The following RSRC1 variants were observed in gnomAD, a reference collection of about 807,000 sequenced individuals.
RSRC1 encodes arginine and serine rich coiled-coil 1, also known as serine/Arginine-related protein 53.
In RSRC1, 39 loss-of-function variants were observed where a neutral mutation model predicts 49.1. That is an observed-to-expected ratio of 0.79 (90% CI 0.61 to 1.04). The LOEUF (loss-of-function observed/expected upper bound fraction) is 1.04. Among genes scored for constraint, RSRC1 ranks in the 50% least tolerant of loss-of-function variants. RSRC1 has a pLI of 0.00. For missense variants in RSRC1, 388 were observed against 402.4 expected, an observed-to-expected ratio of 0.96 and a Z score of 0.31; for synonymous variants, 143 against 130.8, an observed-to-expected ratio of 1.09 and a Z score of -0.63.
At chr3:158,402,446 T>C (rs774110526) in intron 6 of RSRC1, among the ~76,000 whole-genome samples, 4 of 151,874 alleles carry the variant, frequency 2.6e-5, no homozygotes, top group Non-Finnish European at 5.9e-5. Context: ...AGTATATCTT[T>C]AAAATTTTTC....
chr3:158,305,565 T>C (rs1219965520), intron 5 of RSRC1, among the ~76,000 whole-genome samples: 1 of 152,052 alleles, frequency 6.6e-6, no homozygotes, highest in Non-Finnish European at 1.5e-5. Context: ...CTAGCAGTTA[T>C]TTCAGGGGCT....
At chr3:158,513,014 G>A in intron 7 of RSRC1, among the ~76,000 whole-genome samples, 2 of 130,762 alleles carry the variant, frequency 1.5e-5, no homozygotes, top group East Asian at 2.1e-4. Flanking sequence ...GGAGATTTTG[G>A]GCTGAGACAA....
intron 6 of RSRC1, among the ~76,000 whole-genome samples, chr3:158,363,968 A>G (rs1472702712): frequency 6.6e-6 from 1 of 152,194 alleles, no homozygotes; most frequent in Admixed American, 6.5e-5. Flanking sequence ...GTATCCAAGT[A>G]ATAAGCTTTG....
At chr3:158,121,282 A>G (rs1323718049) in intron 1 of RSRC1, among the ~76,000 whole-genome samples, 4 of 152,134 alleles carry the variant, frequency 2.6e-5, no homozygotes, top group Non-Finnish European at 5.9e-5. Flanking sequence ...AATTGTGTAC[A>G]TATTTCTTAA....
At chr3:158,360,729 G>T (rs778433720) in intron 6 of RSRC1, among the ~76,000 whole-genome samples, 1 of 152,236 alleles carries the variant, frequency 6.6e-6, no homozygotes, top group Non-Finnish European at 1.5e-5. Flanking sequence ...TGGAGCAGGT[G>T]CCAGGAGTGG....
intron 4 of RSRC1, among the ~76,000 whole-genome samples, chr3:158,233,589 A>T (rs1468592777): frequency 6.6e-6 from 1 of 152,186 alleles, no homozygotes. Context: ...TCTGCAAAGC[A>T]TTAATTTTGG....
intron 5 of RSRC1, among the ~76,000 whole-genome samples, chr3:158,326,341 A>C (rs1729139750): frequency 6.6e-6 from 1 of 152,294 alleles, no homozygotes; most frequent in Middle Eastern, 3.4e-3. Context: ...GTTTTTGCCC[A>C]TTCAGTATGA....
intron 4 of RSRC1, among the ~76,000 whole-genome samples, chr3:158,288,997 A>T (rs1183117763): frequency 6.6e-6 from 1 of 151,716 alleles, no homozygotes; most frequent in Non-Finnish European, 1.5e-5. Flanking sequence ...TCTGTTGATG[A>T]TGTTTATGTT....
intron 7 of RSRC1, among the ~76,000 whole-genome samples, chr3:158,463,438 G>A (rs1737722177): frequency 6.6e-6 from 1 of 152,058 alleles, no homozygotes; most frequent in South Asian, 2.1e-4. Flanking sequence ...ATGCATGTGT[G>A]TATATAGTTC....
At chr3:158,263,787 T>A (rs1253897507) in intron 4 of RSRC1, among the ~76,000 whole-genome samples, 1 of 152,170 alleles carries the variant, frequency 6.6e-6, no homozygotes, top group African/African-American at 2.4e-5. Flanking sequence ...TTCCAGGAGT[T>A]GGTTCATGTT....
At chr3:158,180,408 T>G in intron 3 of RSRC1, among the ~76,000 whole-genome samples, 2 of 70,728 alleles carry the variant, frequency 2.8e-5, no homozygotes, top group African/African-American at 1.1e-4. Flanking sequence ...TTTTTTTTTT[T>G]TTTTTTTTGC....
intron 4 of RSRC1, among the ~76,000 whole-genome samples, chr3:158,237,840 A>G (rs977438937): frequency 6.6e-6 from 1 of 152,090 alleles, no homozygotes; most frequent in Non-Finnish European, 1.5e-5. Context: ...TTCCAACACT[A>G]TGTTGAATAG....
Position 158,218,601 on chromosome 3 carries a change from A to G in RSRC1, c.494+15356A>G, listed in dbSNP as rs150148616. Among the ~76,000 whole-genome samples the G allele has an allele frequency of 2.0e-3, 299 of 151,772 alleles. 3 individuals carry two copies. The highest frequency in any genetic ancestry group is 1.8e-3 in the East Asian group (9 of 5,140). The stretch of plus-strand genomic sequence containing the variant: ...GGACTTTCAAGAGGAGAATGAAAGT[A>G]GTCAGGAGGATATATTGTAGGTGCA... On this transcript the variant is annotated intron_variant, in intron 4 of 9. Transcript: ENST00000611884.
chr3:158,197,207 A>G (rs1005881173), intron 3 of RSRC1, among the ~76,000 whole-genome samples: 3 of 152,172 alleles, frequency 2.0e-5, no homozygotes, highest in East Asian at 3.9e-4. Flanking sequence ...CAGGGATTCA[A>G]CTTCTTCCTG....
At chr3:158,339,512 T>A (rs1002186853) in intron 5 of RSRC1, among the ~76,000 whole-genome samples, 1 of 152,134 alleles carries the variant, frequency 6.6e-6, no homozygotes, top group Non-Finnish European at 1.5e-5. Context: ...TTACGTGGTT[T>A]ATTATTACCA....
chr3:158,439,033 C>T (rs1022375082), intron 6 of RSRC1, among the ~76,000 whole-genome samples: 5 of 152,156 alleles, frequency 3.3e-5, no homozygotes, highest in Non-Finnish European at 7.3e-5. Flanking sequence ...CAAAAGAAGA[C>T]ATTTATGCAG....
intron 5 of RSRC1, among the ~76,000 whole-genome samples, chr3:158,309,470 T>A (rs1038180908): frequency 6.6e-6 from 1 of 151,824 alleles, no homozygotes; most frequent in Non-Finnish European, 1.5e-5. Context: ...TAATAAACGT[T>A]TAATAAATGT....
At chr3:158,205,697 G>A (rs1721308411) in intron 4 of RSRC1, among the ~76,000 whole-genome samples, 1 of 151,994 alleles carries the variant, frequency 6.6e-6, no homozygotes, top group African/African-American at 2.4e-5. Flanking sequence ...TTAAACCAAG[G>A]GTCAGCAAAC....
intron 7 of RSRC1, among the ~76,000 whole-genome samples, chr3:158,528,551 T>C (rs1712185196): frequency 6.6e-6 from 1 of 151,792 alleles, no homozygotes; most frequent in Non-Finnish European, 1.5e-5. Flanking sequence ...TTGTGTGTGG[T>C]TATGGGGTGT....
Sources: allele counts gnomAD v4.1 joint callset (sites outside exome capture counted in the v4.1 genomes callset), GRCh38; gene constraint gnomAD v4.1.1; transcripts MANE v1.5; gene names NCBI Gene and HGNC (gene_info 2026-07-23, HGNC 2026-07-21).